The following MMP26 variants were observed in gnomAD, a reference collection of about 807,000 sequenced individuals.
MMP26 encodes matrix metallopeptidase 26, also known as matrix metalloproteinase-26.
In MMP26, 33 loss-of-function variants were observed where a neutral mutation model predicts 31.0. The ratio of observed to expected loss-of-function variants is 1.06; its 90% CI spans 0.81 to 1.42. MMP26 has a LOEUF of 1.42. Among genes scored for constraint, MMP26 ranks in the 40% most tolerant of loss-of-function variants. MMP26 has a pLI of 0.00. For synonymous variants in MMP26, 122 were observed against 114.9 expected (o/e 1.06, Z -0.40); for missense variants, 347 against 316.1 (o/e 1.10, Z -0.74).
chr11:4,796,415 C>G (rs1162856678), intron 2 of MMP26, among the ~76,000 whole-genome samples: 1 of 152,140 alleles, frequency 6.6e-6, no homozygotes, highest in Admixed American at 6.5e-5. Flanking sequence ...TATTGCATTT[C>G]TGTTCTGTTT....
At chr11:4,799,704 C>T (rs1849155978) in intron 2 of MMP26, among the ~76,000 whole-genome samples, 1 of 152,130 alleles carries the variant, frequency 6.6e-6, no homozygotes, top group African/African-American at 2.4e-5. Flanking sequence ...CTCCTTTCAC[C>T]TATGAGCCTG....
chr11:4,817,943 A>G (rs1849444043), intron 2 of MMP26, among the ~76,000 whole-genome samples: 2 of 152,152 alleles, frequency 1.3e-5, no homozygotes, highest in Admixed American at 1.3e-4. Flanking sequence ...AGAGCATGAG[A>G]AAGAGCAGAC....
At chr11:4,810,655 G>A (rs1425830959) in intron 2 of MMP26, among the ~76,000 whole-genome samples, 3 of 152,158 alleles carry the variant, frequency 2.0e-5, no homozygotes, top group Non-Finnish European at 2.9e-5. Context: ...CTGTGGTTGT[G>A]AGACCCCTCA....
rs76371943 is a variant in MMP26 at position 4,899,502 on chromosome 11, C to G, written c.-144-88566C>G. On this transcript the variant is annotated intron_variant, in intron 2 of 7. Transcript: ENST00000380390. Reference sequence around the variant, plus strand: ...TCTTTCATGGTAGAGCAACCAGATCCTTTTTTCAAAGGGTAAAAATGTCTC... The same window carrying G: ...TCTTTCATGGTAGAGCAACCAGATCGTTTTTTCAAAGGGTAAAAATGTCTC... Among the ~76,000 whole-genome samples, 710 of 152,204 alleles carry G rather than the reference C, an allele frequency of 4.7e-3. 6 individuals carry two copies. Among genetic ancestry groups the G allele is most frequent in the African/African-American group, 0.016 (654 of 41,544 alleles).
chr11:4,797,375 T>G (rs1433926), intron 2 of MMP26, among the ~76,000 whole-genome samples: 56,137 of 152,146 alleles, frequency 0.37, 11,459 homozygotes, highest in African/African-American at 0.52. Flanking sequence ...ATGTTACCAC[T>G]TGTTAGGCTT....
chr11:4,971,494 G>T (rs532027595), intron 2 of MMP26, among the ~76,000 whole-genome samples: 1 of 152,188 alleles, frequency 6.6e-6, no homozygotes, highest in Non-Finnish European at 1.5e-5. Context: ...AACGTGATAT[G>T]TATAGGAGCT....
At chr11:4,959,360 A>C (rs1311266914) in intron 2 of MMP26, among the ~76,000 whole-genome samples, 2 of 152,114 alleles carry the variant, frequency 1.3e-5, no homozygotes, top group Non-Finnish European at 2.9e-5. Context: ...GTTGTTACAA[A>C]ATGCCTTTGT....
intron 2 of MMP26, chr11:4,848,605 C>G: frequency 6.2e-7 from 1 of 1,607,284 alleles, no homozygotes. Flanking sequence ...TAGGCTGCAC[C>G]CCAAGCTTCT....
chr11:4,909,101 CT>C (rs1850951559), intron 2 of MMP26: 1 of 151,924 alleles, frequency 6.6e-6, no homozygotes, highest in Admixed American at 6.6e-5. Context: ...TATGGTTTTG[CT>C]GTTTAGTTTT....
intron 2 of MMP26, among the ~76,000 whole-genome samples, chr11:4,857,559 G>T (rs1012187539): frequency 6.6e-6 from 1 of 152,074 alleles, no homozygotes; most frequent in Non-Finnish European, 1.5e-5. Context: ...CCAATAACAG[G>T]CTCTGAAATT....
chr11:4,891,701 T>C (rs1446336373), intron 2 of MMP26, among the ~76,000 whole-genome samples: 3 of 152,184 alleles, frequency 2.0e-5, no homozygotes, highest in Non-Finnish European at 4.4e-5. Context: ...AATGTCCTTA[T>C]GTATGACCAA....
At chr11:4,705,893 C>A (rs1033679944) in intron 1 of MMP26, among the ~76,000 whole-genome samples, 1 of 140,978 alleles carries the variant, frequency 7.1e-6, no homozygotes, top group Non-Finnish European at 1.5e-5. Flanking sequence ...GAGGCTGAGG[C>A]AAGGGAATTG....
chr11:4,895,739 C>A (rs1195905132), intron 2 of MMP26, among the ~76,000 whole-genome samples: 5 of 152,130 alleles, frequency 3.3e-5, no homozygotes, highest in Non-Finnish European at 7.4e-5. Flanking sequence ...GCCTGGGCAA[C>A]ATAGGGAGAC....
intron 2 of MMP26, chr11:4,914,809 A>C: frequency 6.2e-7 from 1 of 1,613,988 alleles, no homozygotes; most frequent in Non-Finnish European, 8.5e-7. Flanking sequence ...GAAAGAGAAG[A>C]TACATGAAAC....
chr11:4,881,221 C>A (rs1406909459), intron 2 of MMP26, among the ~76,000 whole-genome samples: 3 of 152,106 alleles, frequency 2.0e-5, no homozygotes, highest in African/African-American at 7.2e-5. Flanking sequence ...GGAAAGATTT[C>A]CCCAGCAGCA....
chr11:4,804,299 A>G (rs746721107), intron 2 of MMP26: 3 of 1,614,130 alleles, frequency 1.9e-6, no homozygotes, highest in East Asian at 4.5e-5. Flanking sequence ...GCAATCCACA[A>G]CTGGAAACTC....
intron 2 of MMP26, among the ~76,000 whole-genome samples, chr11:4,825,412 G>A (rs1849566157): frequency 6.6e-6 from 1 of 151,996 alleles, no homozygotes; most frequent in Non-Finnish European, 1.5e-5. Context: ...CTGATTTTTA[G>A]AGCTGTATAA....
chr11:4,801,625 C>T (rs1179854604), intron 2 of MMP26, among the ~76,000 whole-genome samples: 1 of 151,958 alleles, frequency 6.6e-6, no homozygotes, highest in Non-Finnish European at 1.5e-5. Context: ...TCACCGCAAC[C>T]TCCGCTTCCC....
intron 2 of MMP26, among the ~76,000 whole-genome samples, chr11:4,976,838 G>T (rs188763844): frequency 6.6e-6 from 1 of 152,126 alleles, no homozygotes; most frequent in Non-Finnish European, 1.5e-5. Context: ...AGAATTGATT[G>T]CTCTTTCGCC....
Sources: gnomAD v4.1 joint callset for allele counts (sites outside exome capture counted in the v4.1 genomes callset) on GRCh38, gnomAD v4.1.1 for gene constraint, MANE v1.5 for transcripts, NCBI Gene and HGNC (gene_info 2026-07-23, HGNC 2026-07-21) for gene names.